Variants in COL4A5 observed in about 807,000 individuals in gnomAD.
COL4A5 encodes collagen alpha-5(IV) chain.
In COL4A5, 26 loss-of-function variants were observed where a neutral mutation model predicts 130.2. The observed-to-expected ratio is 0.20, with a 90% confidence interval of 0.15 to 0.28. COL4A5 has a LOEUF of 0.28. COL4A5 is among the 10% of genes least tolerant of loss of function. The pLI is 1.00. For synonymous variants in COL4A5, 496 were observed against 439.6 expected (o/e 1.13, Z -1.60); for missense variants, 1,131 against 1,344.3 (o/e 0.84, Z 2.48).
chrX:108,646,152 C>T lies in COL4A5; in HGVS notation c.3247-9179C>T, dbSNP rs768420254. ...TAGTTCTAGAACCCTGAGGAATTGC[C>T]ACACTGACTTCCACAATGGTTGAAC... On this transcript the variant is annotated intron_variant, in intron 36 of 52. Coordinates refer to ENST00000328300, the MANE Select transcript of COL4A5 (RefSeq NM_033380.3). Among the ~76,000 whole-genome samples the T allele has an allele frequency of 8.1e-5, 9 of 111,113 alleles. No homozygotes were observed. The East Asian group carries it at 2.6e-3, about 32-fold the overall frequency.
chrX:108,515,542 T>G (rs933831362), intron 1 of COL4A5, among the ~76,000 whole-genome samples: 3 of 111,229 alleles, frequency 2.7e-5, no homozygotes, highest in Non-Finnish European at 5.7e-5. Flanking sequence ...CTTCCACTGA[T>G]TTCTGTAAGA....
chrX:108,667,231 TA>T (rs1234911187), intron 40 of COL4A5, 48 bp downstream of exon 40: 2 of 1,058,940 alleles, frequency 1.9e-6, no homozygotes, highest in African/African-American at 1.8e-5. Flanking sequence ...AAAATGAGAT[TA>T]TTTCCAAATA....
intron 2 of COL4A5, among the ~76,000 whole-genome samples, chrX:108,549,463 T>G (rs1344802617): frequency 8.9e-6 from 1 of 111,974 alleles, no homozygotes; most frequent in Non-Finnish European, 1.9e-5. Context: ...AAATTCCTAC[T>G]ATTTGGAATT....
chrX:108,665,842 G>A (rs963516937), intron 38 of COL4A5, among the ~76,000 whole-genome samples: 2 of 111,951 alleles, frequency 1.8e-5, no homozygotes, highest in Non-Finnish European at 3.8e-5. Flanking sequence ...CTTGAGGTCA[G>A]GAGCTCGAGA....
chrX:108,500,379 TTAAAA>T (rs1351030514), intron 1 of COL4A5, among the ~76,000 whole-genome samples: 1 of 112,023 alleles, frequency 8.9e-6, no homozygotes, highest in Non-Finnish European at 1.9e-5. Flanking sequence ...TTCAAAAGTC[TTAAAA>T]TAAATGAAAA....
Position 108,665,526 on chromosome X carries a change from AC to A in COL4A5, c.3395del (p.Pro1132GlnfsTer20). ...CTCTAGGAACCCCAGGCCCTCCTGG[AC>A]CAAAAGGTATTAGTGGCCCTCCTGG... ...GFPGTPGPPG[P>X]KGISGPPGNP... is the part of the protein sequence containing the mutation. On this transcript the variant is annotated frameshift_variant, in exon 38 of 53. Coordinates refer to ENST00000328300, the MANE Select transcript of COL4A5 (RefSeq NM_033380.3). LOFTEE classifies it high-confidence loss of function. 1 of 1,208,456 alleles carries A rather than the reference AC, an allele frequency of 8.3e-7. No homozygotes were observed. Among genetic ancestry groups the A allele is most frequent in the Non-Finnish European group, 1.1e-6 (1 of 892,921 alleles).
chrX:108,624,963 A>G (rs1236353785), intron 34 of COL4A5, among the ~76,000 whole-genome samples: 3 of 111,643 alleles, frequency 2.7e-5, no homozygotes, highest in African/African-American at 9.8e-5. Flanking sequence ...AAGTTCAGTT[A>G]TTTGCGCTAG....
chrX:108,637,182 C>T (rs1007717408), intron 36 of COL4A5, among the ~76,000 whole-genome samples: 2 of 109,940 alleles, frequency 1.8e-5, no homozygotes, highest in African/African-American at 6.6e-5. Context: ...AATCCACCCT[C>T]CTTGGCCTCC....
chrX:108,486,650 T>C (rs1382621460), intron 1 of COL4A5, among the ~76,000 whole-genome samples: 1 of 111,722 alleles, frequency 9.0e-6, no homozygotes, highest in Non-Finnish European at 1.9e-5. Context: ...CTCCCACTTA[T>C]GAGTGAGAGC....
intron 36 of COL4A5, among the ~76,000 whole-genome samples, chrX:108,650,554 G>A (rs2067703718): frequency 9.0e-6 from 1 of 111,587 alleles, no homozygotes; most frequent in Admixed American, 9.6e-5. Context: ...GAACTGATAA[G>A]CTGTGGTATA....
At chrX:108,519,774 C>G (rs1216274837) in intron 1 of COL4A5, among the ~76,000 whole-genome samples, 1 of 110,657 alleles carries the variant, frequency 9.0e-6, no homozygotes, top group African/African-American at 3.3e-5. Flanking sequence ...ATGATATCCA[C>G]TTTCCTCACT....
chrX:108,566,812 G>A (rs2065981271), intron 4 of COL4A5, among the ~76,000 whole-genome samples: 1 of 111,448 alleles, frequency 9.0e-6, no homozygotes, highest in Non-Finnish European at 1.9e-5. Context: ...GCCTCCCAAA[G>A]TGAGCGGTTT....
chrX:108,523,202 T>C (rs1379594127), intron 1 of COL4A5, among the ~76,000 whole-genome samples: 3 of 111,727 alleles, frequency 2.7e-5, no homozygotes, highest in African/African-American at 9.8e-5. Context: ...CTGTGTTTTC[T>C]TCTAAGAGTT....
chrX:108,691,065 A>G (rs1231301026), intron 49 of COL4A5, among the ~76,000 whole-genome samples: 1 of 111,420 alleles, frequency 9.0e-6, no homozygotes, highest in African/African-American at 3.3e-5. Context: ...CAGGCACAAA[A>G]AAAACAAGTA....
chrX:108,633,353 G>A (rs2147888541), intron 36 of COL4A5, among the ~76,000 whole-genome samples: 1 of 111,028 alleles, frequency 9.0e-6, no homozygotes, highest in South Asian at 3.7e-4. Flanking sequence ...GTTTTTTTCT[G>A]TACATTTGCA....
chrX:108,607,996 G>C, intron 29 of COL4A5, among the ~76,000 whole-genome samples: 1 of 111,403 alleles, frequency 9.0e-6, no homozygotes, highest in South Asian at 3.8e-4. Flanking sequence ...TTGGATTTTT[G>C]CCAATCATTT....
chrX:108,534,616 G>C (rs2065431155), intron 1 of COL4A5, among the ~76,000 whole-genome samples: 1 of 111,049 alleles, frequency 9.0e-6, no homozygotes, highest in Non-Finnish European at 1.9e-5. Context: ...AGGATGAAGA[G>C]AACTGGGTTC....
At chrX:108,664,247 TG>T (rs1340152903) in intron 37 of COL4A5, among the ~76,000 whole-genome samples, 1 of 111,936 alleles carries the variant, frequency 8.9e-6, no homozygotes, top group African/African-American at 3.3e-5. Context: ...AAACAGAATT[TG>T]GAGGATAAAA....
At chrX:108,462,560 A>G (rs779241361) in intron 1 of COL4A5, 1 of 111,357 alleles carries the variant, frequency 9.0e-6, no homozygotes, top group African/African-American at 3.3e-5. Flanking sequence ...TTACAAGTGC[A>G]CGACCCCATG....
Sources: gnomAD v4.1 joint callset for allele counts (sites outside exome capture counted in the v4.1 genomes callset) on GRCh38, gnomAD v4.1.1 for gene constraint, MANE v1.5 for transcripts, NCBI Gene and HGNC (gene_info 2026-07-23, HGNC 2026-07-21) for gene names.